DDO: variants seen among roughly 807,000 people sequenced by gnomAD.
DDO encodes D-aspartate oxidase.
Under a neutral mutation model 16.8 loss-of-function variants are expected in DDO, and 16 were observed. That is an observed-to-expected ratio of 0.95 (90% CI 0.65 to 1.45). The LOEUF (loss-of-function observed/expected upper bound fraction) is 1.45, where lower values mean the gene tolerates loss of function less well. Ranked by LOEUF, DDO falls within the 40% of genes most tolerant of loss-of-function variation. DDO has a pLI of 0.00. For missense variants in DDO, 429 were observed against 420.3 expected (o/e 1.02, Z -0.18); for synonymous variants, 180 against 167.2 (o/e 1.08, Z -0.59).
chr6:110,404,213 C>A (rs568839028), intron 4 of DDO, among the ~76,000 whole-genome samples: 38 of 152,096 alleles, frequency 2.5e-4, no homozygotes, highest in Middle Eastern at 3.4e-3. Flanking sequence ...AAAAGTAAGC[C>A]GAAATGCAAG....
intron 1 of DDO, among the ~76,000 whole-genome samples, chr6:110,415,263 C>T (rs1372988576): frequency 6.6e-6 from 1 of 152,214 alleles, no homozygotes; most frequent in African/African-American, 2.4e-5. Flanking sequence ...TCTCTCAAAA[C>T]AGCTCTAATA....
At chr6:110,412,765 T>C (rs1458290106) in intron 2 of DDO, among the ~76,000 whole-genome samples, 2 of 152,196 alleles carry the variant, frequency 1.3e-5, no homozygotes. Context: ...AAGAACAAAC[T>C]TTTGCCTTTT....
intron 4 of DDO, among the ~76,000 whole-genome samples, chr6:110,404,408 A>C (rs1188295748): frequency 1.3e-5 from 2 of 152,036 alleles, no homozygotes; most frequent in Non-Finnish European, 2.9e-5. Flanking sequence ...AATTAGAGTA[A>C]ATCATATCAT....
downstream of DDO, among the ~76,000 whole-genome samples, chr6:110,388,423 C>A: frequency 6.6e-6 from 1 of 152,190 alleles, no homozygotes; most frequent in Non-Finnish European, 1.5e-5. Context: ...TTCCACCATC[C>A]TTTTCTTCCT....
chr6:110,391,650 A>T (rs1773104303), downstream of DDO: 1 of 151,988 alleles, frequency 6.6e-6, no homozygotes, highest in Non-Finnish European at 1.5e-5. Context: ...CACCGTGCCC[A>T]GCCTCCTCAA....
downstream of DDO, among the ~76,000 whole-genome samples, chr6:110,391,199 T>C (rs6925077): frequency 0.068 from 10,337 of 152,252 alleles, 1,117 homozygotes; most frequent in African/African-American, 0.24. Context: ...AACGCAACAG[T>C]AAAGCTGTAG....
chr6:110,405,882 G>A (rs1056161434), intron 3 of DDO, among the ~76,000 whole-genome samples: 4 of 151,706 alleles, frequency 2.6e-5, no homozygotes, highest in African/African-American at 4.8e-5. Context: ...CAGCCTAGAC[G>A]AGTAAGACCC....
chr6:110,404,640 A>G (rs1204296052), intron 4 of DDO, 134 bp downstream of exon 4: 1 of 864,058 alleles, frequency 1.2e-6, no homozygotes, highest in Non-Finnish European at 1.8e-6. Flanking sequence ...AGCCCTAGCC[A>G]TTTGTGAGTG....
In DDO at chr6:110,404,905, C is replaced by T. The variant is rs1379238787; in HGVS notation, c.327G>A (p.Trp109Ter). The change falls in exon 4 of 5, where the codon TGG becomes TGA. Residue 109 changes from tryptophan (W) to a stop codon, truncating the protein, a stop_gained. Coordinates refer to ENST00000368924, the MANE Select transcript of DDO (RefSeq NM_001372108.2). LOFTEE classifies it high-confidence loss of function. ...TTCGAAATCCCAGAACCACGTCAGC[C>T]CAGAATGGCACTTCTTCAGTCGGAG... ...QSTPTEEVPF[W>*]ADVVLGFRKM... 1 of 1,614,100 alleles carries T rather than the reference C, an allele frequency of 6.2e-7. No homozygotes were observed. The highest frequency in any genetic ancestry group is 2.2e-5 in the East Asian group (1 of 44,902).
chr6:110,393,030 TC>T lies in DDO; in HGVS notation c.770del (p.Arg257HisfsTer21). ...DAENSREILS[R>X]CCALEPSLHG... is the part of the protein sequence containing the mutation. The stretch of plus-strand genomic sequence containing the variant: ...GGAGGGAGGGCTCCAGAGCACAGCA[TC>T]GGGAAAGAATCTCTCTGCTATTTTC... On this transcript the variant is annotated frameshift_variant, in exon 5 of 5. Transcript: ENST00000368924. LOFTEE classifies it low-confidence loss of function (END_TRUNC). The T allele has an allele frequency of 6.2e-7, 1 of 1,611,470 alleles. No homozygotes were observed. The highest frequency in any genetic ancestry group is 8.5e-7 in the Non-Finnish European group (1 of 1,177,670).
Position 110,413,449 on chromosome 6 carries a change from C to T in DDO, c.14G>A (p.Arg5Gln), listed in dbSNP as rs144373245. The change falls in exon 2 of 5, where the codon CGG (arginine) becomes CAG (glutamine). Residue 5 changes from arginine to glutamine, a missense_variant. Transcript: ENST00000368924. The stretch of plus-strand genomic sequence containing the variant: ...CACACCTGCCCCGACAACTGCAATC[C>T]GTGCTGTGTCCATGAGCCTGTGAGG... MDTA[R>Q]IAVVGAGVVG... 4.9e-4 allele frequency: 792 copies of T among 1,613,534 alleles called. 5 individuals are homozygous for T. The African/African-American group carries it at 9.3e-3, about 19-fold the overall frequency.
At chr6:110,400,797 A>G (rs1773462223) in intron 4 of DDO, among the ~76,000 whole-genome samples, 2 of 152,224 alleles carry the variant, frequency 1.3e-5, no homozygotes, top group Admixed American at 1.3e-4. Context: ...CTAGGACTCA[A>G]AACTTACTCT....
chr6:110,393,579 G>T (rs973549338), intron 4 of DDO, among the ~76,000 whole-genome samples: 1 of 152,136 alleles, frequency 6.6e-6, no homozygotes. Flanking sequence ...CAAAACAAAG[G>T]AAATTATATG....
chr6:110,402,743 T>C (rs1773523194), intron 4 of DDO, among the ~76,000 whole-genome samples: 1 of 152,218 alleles, frequency 6.6e-6, no homozygotes, highest in Non-Finnish European at 1.5e-5. Context: ...GGAATCTGTA[T>C]GAAGAGTTTG....
Position 110,392,718 on chromosome 6 carries a change from C to T in DDO, c.*57G>A, listed in dbSNP as rs958998779. Reference sequence around the variant, plus strand: ...TCATGCAGTGGAAAAGTTATTTGAACCTGTTCTGTGCTTTGATCAACAGTC... The same window carrying T: ...TCATGCAGTGGAAAAGTTATTTGAATCTGTTCTGTGCTTTGATCAACAGTC... On this transcript the variant is annotated 3_prime_UTR_variant, in exon 5 of 5. Transcript: ENST00000368924. The T allele has an allele frequency of 1.4e-6, 2 of 1,480,480 alleles. No individual in the cohort carries two copies. Among genetic ancestry groups the T allele is most frequent in the Non-Finnish European group, 1.8e-6 (2 of 1,119,362 alleles). 91.7% of individuals were successfully genotyped at this position (1,480,480 alleles called of 1,614,324 possible).
At chr6:110,394,115 T>C (rs1182231645) in intron 4 of DDO, among the ~76,000 whole-genome samples, 1 of 152,152 alleles carries the variant, frequency 6.6e-6, no homozygotes, top group Non-Finnish European at 1.5e-5. Flanking sequence ...AATATTTTTT[T>C]TTTTTCTGAG....
intron 2 of DDO, among the ~76,000 whole-genome samples, chr6:110,408,707 C>A (rs773020336): frequency 2.6e-5 from 4 of 152,202 alleles, no homozygotes; most frequent in African/African-American, 9.7e-5. Context: ...GGGCAAAACC[C>A]GGCATGCGAG....
intron 3 of DDO, among the ~76,000 whole-genome samples, chr6:110,407,711 T>A (rs936532690): frequency 4.6e-5 from 7 of 152,242 alleles, no homozygotes; most frequent in Admixed American, 2.0e-4. Context: ...AAAGATGTCA[T>A]GTTTTAAGTG....
intron 3 of DDO, among the ~76,000 whole-genome samples, chr6:110,406,789 G>T (rs889742460): frequency 2.0e-5 from 3 of 148,408 alleles, no homozygotes; most frequent in African/African-American, 7.5e-5. Flanking sequence ...CACTCTTCCT[G>T]ATGGTCTCGG....
Sources: gnomAD v4.1 joint callset for allele counts (sites outside exome capture counted in the v4.1 genomes callset) on GRCh38, gnomAD v4.1.1 for gene constraint, MANE v1.5 for transcripts, NCBI Gene and HGNC (gene_info 2026-07-23, HGNC 2026-07-21) for gene names.